MEIS1: variants seen among roughly 807,000 people sequenced by gnomAD.
MEIS1 encodes homeobox protein Meis1.
In MEIS1, 5 loss-of-function variants were observed where a neutral mutation model predicts 50.8. The ratio of observed to expected loss-of-function variants is 0.10; its 90% CI spans 0.05 to 0.21. MEIS1 has a LOEUF of 0.21. Among genes scored for constraint, MEIS1 ranks in the 10% least tolerant of loss-of-function variants. The pLI is 1.00. For synonymous variants in MEIS1, 176 were observed against 179.3 expected (o/e 0.98, Z 0.15); for missense variants, 318 against 517.3 (o/e 0.61, Z 3.74).
At chr2:66,463,555 G>A (rs1672568668) in intron 6 of MEIS1, among the ~76,000 whole-genome samples, 1 of 152,190 alleles carries the variant, frequency 6.6e-6, no homozygotes, top group African/African-American at 2.4e-5. Flanking sequence ...TGAATCTATT[G>A]TTATTCTCAT....
At chr2:66,465,373 G>C (rs888805252) in intron 7 of MEIS1, among the ~76,000 whole-genome samples, 3 of 152,158 alleles carry the variant, frequency 2.0e-5, no homozygotes, top group Non-Finnish European at 4.4e-5. Flanking sequence ...AACTGGTTCA[G>C]AGCTGAGAGG....
At chr2:66,482,572 A>G (rs1572843922) in intron 7 of MEIS1, among the ~76,000 whole-genome samples, 1 of 152,340 alleles carries the variant, frequency 6.6e-6, no homozygotes, top group East Asian at 1.9e-4. Flanking sequence ...ATGAGGAAGG[A>G]TCTTTAGAAG....
At chr2:66,510,945 G>A (rs1673813824) in intron 7 of MEIS1, among the ~76,000 whole-genome samples, 1 of 152,178 alleles carries the variant, frequency 6.6e-6, no homozygotes. Context: ...CAAAGTTTCA[G>A]GTTCTTTGGG....
chr2:66,460,729 CA>C (rs780709464), intron 6 of MEIS1, among the ~76,000 whole-genome samples: 5 of 151,760 alleles, frequency 3.3e-5, no homozygotes, highest in Non-Finnish European at 5.9e-5. Flanking sequence ...TTTTTTTTCC[CA>C]ACAACTTCTT....
At chr2:66,496,646 T>C (rs2103819160) in intron 7 of MEIS1, among the ~76,000 whole-genome samples, 1 of 152,320 alleles carries the variant, frequency 6.6e-6, no homozygotes, top group Middle Eastern at 3.4e-3. Flanking sequence ...GGGGACTACT[T>C]GTAGGCTCTG....
intron 7 of MEIS1, among the ~76,000 whole-genome samples, chr2:66,464,948 G>C (rs1039527204): frequency 6.6e-6 from 1 of 152,170 alleles, no homozygotes; most frequent in Non-Finnish European, 1.5e-5. Flanking sequence ...ATGAGAGCCC[G>C]CTGTGTGGAT....
intron 7 of MEIS1, among the ~76,000 whole-genome samples, chr2:66,477,934 G>T (rs554496824): frequency 7.2e-5 from 11 of 152,224 alleles, no homozygotes; most frequent in African/African-American, 2.6e-4. Flanking sequence ...TACAACTCTG[G>T]TTACGTTGAC....
chr2:66,459,533 C>T (rs1365518819), intron 6 of MEIS1, among the ~76,000 whole-genome samples: 2 of 152,044 alleles, frequency 1.3e-5, no homozygotes, highest in African/African-American at 2.4e-5. Context: ...CCTCACAGAG[C>T]GTATGATCTG....
intron 8 of MEIS1, among the ~76,000 whole-genome samples, chr2:66,514,081 A>C (rs1351300324): frequency 6.6e-6 from 1 of 152,214 alleles, no homozygotes; most frequent in Non-Finnish European, 1.5e-5. Flanking sequence ...CCCTGAAGTC[A>C]CAATCAAATA....
chr2:66,568,381 G>GT (rs1675402521), intron 10 of MEIS1: 2 of 319,302 alleles, frequency 6.3e-6, no homozygotes, highest in Admixed American at 9.2e-5. Flanking sequence ...ATTTACTCCT[G>GT]TAACTTTTTT....
At chr2:66,533,264 C>A (rs1317958514) in intron 8 of MEIS1, among the ~76,000 whole-genome samples, 1 of 152,186 alleles carries the variant, frequency 6.6e-6, no homozygotes, top group Non-Finnish European at 1.5e-5. Context: ...TCTCAACATT[C>A]CTAAGTCCAC....
intron 7 of MEIS1, among the ~76,000 whole-genome samples, chr2:66,476,515 A>C (rs987578406): frequency 2.0e-5 from 3 of 152,220 alleles, no homozygotes; most frequent in African/African-American, 7.2e-5. Context: ...TCTGGAATCA[A>C]GAAACTGACA....
chr2:66,565,825 A>G (rs1675332411), intron 9 of MEIS1, among the ~76,000 whole-genome samples: 1 of 152,212 alleles, frequency 6.6e-6, no homozygotes, highest in Non-Finnish European at 1.5e-5. Flanking sequence ...ATTAGTTACT[A>G]TGAAAATTAC....
chr2:66,469,484 G>A (rs1436964873), intron 7 of MEIS1, among the ~76,000 whole-genome samples: 1 of 152,178 alleles, frequency 6.6e-6, no homozygotes, highest in Non-Finnish European at 1.5e-5. Flanking sequence ...GCCACATTAT[G>A]TTCCAGATGA....
intron 7 of MEIS1, among the ~76,000 whole-genome samples, chr2:66,487,296 C>G (rs1181343492): frequency 6.6e-6 from 1 of 152,148 alleles, no homozygotes; most frequent in East Asian, 1.9e-4. Context: ...ACAATAAACA[C>G]CTGTAACTCA....
intron 7 of MEIS1, among the ~76,000 whole-genome samples, chr2:66,494,930 G>C (rs1384127271): frequency 6.6e-6 from 1 of 152,094 alleles, no homozygotes; most frequent in Non-Finnish European, 1.5e-5. Flanking sequence ...GGAAAGACGA[G>C]AAATAGTGGC....
At chr2:66,474,421 T>C (rs1282800361) in intron 7 of MEIS1, among the ~76,000 whole-genome samples, 1 of 152,180 alleles carries the variant, frequency 6.6e-6, no homozygotes, top group African/African-American at 2.4e-5. Flanking sequence ...TGATTCTACC[T>C]GCCCTGGGCT....
chr2:66,527,269 T>C (rs1168841777), intron 8 of MEIS1, among the ~76,000 whole-genome samples: 1 of 152,200 alleles, frequency 6.6e-6, no homozygotes, highest in African/African-American at 2.4e-5. Context: ...AACAGCCATC[T>C]TAGTGTACAA....
intron 6 of MEIS1, among the ~76,000 whole-genome samples, chr2:66,447,849 ATCTC>A (rs1351263948): frequency 6.6e-6 from 1 of 152,142 alleles, no homozygotes; most frequent in African/African-American, 2.4e-5. Context: ...TTCTCTTTCA[ATCTC>A]TCTCTCAGTG....
Sources: allele counts gnomAD v4.1 joint callset (sites outside exome capture counted in the v4.1 genomes callset), GRCh38; gene constraint gnomAD v4.1.1; transcripts MANE v1.5; gene names NCBI Gene and HGNC (gene_info 2026-07-23, HGNC 2026-07-21).